CUX1: variants seen among roughly 807,000 people sequenced by gnomAD.
The protein encoded by CUX1 is cut like homeobox 1.
In CUX1, 31 loss-of-function variants were observed where a neutral mutation model predicts 158.8. That is an observed-to-expected ratio of 0.20 (90% CI 0.15 to 0.26). The LOEUF (loss-of-function observed/expected upper bound fraction) is 0.26. CUX1 is among the 10% of genes least tolerant of loss of function. The probability of loss-of-function intolerance (pLI) is 1.00; values close to 1 mark genes in which losing one functional copy is unlikely to be tolerated. For synonymous variants in CUX1, 879 were observed against 862.1 expected (o/e 1.02, Z -0.34); for missense variants, 1,589 against 2,014.6 (o/e 0.79, Z 4.04).
At chr7:101,985,200 A>G (rs796574344) in intron 2 of CUX1, among the ~76,000 whole-genome samples, 3 of 152,246 alleles carry the variant, frequency 2.0e-5, no homozygotes, top group East Asian at 1.9e-4. Flanking sequence ...ACAAATTGCT[A>G]TGTGTATACA....
intron 1 of CUX1, among the ~76,000 whole-genome samples, chr7:101,881,385 C>G (rs1799688311): frequency 6.6e-6 from 1 of 152,206 alleles, no homozygotes; most frequent in African/African-American, 2.4e-5. Context: ...TGGAGTTCTT[C>G]CAGCATCAAA....
At chr7:102,205,349 C>T (rs1163945348) in intron 20 of CUX1, among the ~76,000 whole-genome samples, 179 bp downstream of exon 20, 3 of 152,164 alleles carry the variant, frequency 2.0e-5, no homozygotes, top group Admixed American at 6.5e-5. Context: ...TAATGGAGAG[C>T]GAGCTGACAG....
At chr7:101,926,784 A>G (rs1805642343) in intron 2 of CUX1, among the ~76,000 whole-genome samples, 2 of 152,208 alleles carry the variant, frequency 1.3e-5, no homozygotes, top group Admixed American at 1.3e-4. Flanking sequence ...AATTGGTGCT[A>G]TCCCATTTCA....
In CUX1 at chr7:102,250,519, G is replaced by A; in HGVS notation, c.*1477G>A. 1 of 985,400 alleles carries A rather than the reference G, an allele frequency of 1.0e-6. No homozygotes were observed. The highest frequency in any genetic ancestry group is 6.1e-5 in the Admixed American group (1 of 16,262). The allele number at this position is 985,400 out of a possible 1,614,324, so 61.0% of individuals were successfully genotyped here. A position where few individuals can be genotyped will look rare whatever the true frequency, so the allele number is the denominator to read the frequency against. ...CACTGATGACCCTGTTGAACTCGTG[G>A]GAAACTTCCTTTCTCTGCAGGAGAG... On this transcript the variant is annotated 3_prime_UTR_variant, in exon 24 of 24. Coordinates refer to ENST00000292535, the MANE Select transcript of CUX1 (RefSeq NM_181552.4).
chr7:102,037,006 C>T (rs1458651676), intron 3 of CUX1, among the ~76,000 whole-genome samples: 1 of 152,176 alleles, frequency 6.6e-6, no homozygotes, highest in Non-Finnish European at 1.5e-5. Context: ...ACCTGGGCAA[C>T]ATGGTGAAAC....
chr7:102,028,503 A>G (rs6465846), intron 3 of CUX1, among the ~76,000 whole-genome samples: 60,287 of 152,104 alleles, frequency 0.4, 12,748 homozygotes, highest in Non-Finnish European at 0.46. Context: ...TGGGGCTGCC[A>G]CTGCCATGAG....
At chr7:102,174,911 C>T (rs1321268183) in intron 10 of CUX1, among the ~76,000 whole-genome samples, 3 of 152,188 alleles carry the variant, frequency 2.0e-5, no homozygotes, top group Non-Finnish European at 4.4e-5. Context: ...CGTGACACCA[C>T]TGCACTCCAG....
At chr7:102,270,687 C>T (rs782518792) in intron 14 of CUX1, among the ~76,000 whole-genome samples, 11 of 152,224 alleles carry the variant, frequency 7.2e-5, no homozygotes, top group African/African-American at 9.7e-5. Context: ...ACCCTCAGAT[C>T]CCCTCAGGAG....
At chr7:101,983,456 C>T (rs1813746626) in intron 2 of CUX1, among the ~76,000 whole-genome samples, 1 of 152,178 alleles carries the variant, frequency 6.6e-6, no homozygotes, top group Non-Finnish European at 1.5e-5. Flanking sequence ...TGCCCTGGGC[C>T]CATGGCCACT....
At chr7:102,146,784 G>A (rs1554502174) in intron 8 of CUX1, among the ~76,000 whole-genome samples, 1 of 152,096 alleles carries the variant, frequency 6.6e-6, no homozygotes, top group African/African-American at 2.4e-5. Flanking sequence ...TTTTAGTAGA[G>A]ATGGGGTTTC....
chr7:102,071,845 A>C (rs945943485), intron 4 of CUX1, among the ~76,000 whole-genome samples: 1 of 152,186 alleles, frequency 6.6e-6, no homozygotes, highest in Non-Finnish European at 1.5e-5. Flanking sequence ...CAGTGTTCTC[A>C]TCTGTAAAAT....
At chr7:102,138,108 C>T (rs2131369226) in intron 8 of CUX1, among the ~76,000 whole-genome samples, 1 of 152,088 alleles carries the variant, frequency 6.6e-6, no homozygotes, top group Non-Finnish European at 1.5e-5. Flanking sequence ...TGCTTGAGCC[C>T]AGGAGGTCAA....
chr7:102,201,244 C>A lies in CUX1; in HGVS notation c.2063-116C>A. Reference sequence around the variant, plus strand: ...ACAGGGGCCATGCTGGGGAAATACACAGTGTGGTTCTCCCAAATAACCCAC... The same window carrying A: ...ACAGGGGCCATGCTGGGGAAATACAAAGTGTGGTTCTCCCAAATAACCCAC... On this transcript the variant is annotated intron_variant, in intron 17 of 23. Coordinates refer to ENST00000292535, the MANE Select transcript of CUX1 (RefSeq NM_181552.4). This position sits in a 1 kb window ranked among gnomAD's most constrained non-coding sequence, Gnocchi z 5.0. 1.4e-6 allele frequency: 2 copies of A among 1,423,922 alleles called. No individual in the cohort carries two copies. Among genetic ancestry groups the A allele is most frequent in the Non-Finnish European group, 9.5e-7 (1 of 1,051,766 alleles). 88.2% of individuals were successfully genotyped at this position (1,423,922 alleles called of 1,614,324 possible).
intron 2 of CUX1, among the ~76,000 whole-genome samples, chr7:101,968,472 G>T (rs1811500015): frequency 6.6e-6 from 1 of 152,140 alleles, no homozygotes; most frequent in Non-Finnish European, 1.5e-5. Context: ...GCCCAGGCTG[G>T]AGTGCAGTGG....
In CUX1 at chr7:102,248,625, G is replaced by A. The variant is rs1554537952; in HGVS notation, c.4101G>A (p.Pro1367=). The change falls in exon 24 of 24, where the codon CCG becomes CCA. Residue 1367 remains proline, a synonymous_variant. Coordinates refer to ENST00000292535, the MANE Select transcript of CUX1 (RefSeq NM_181552.4). The surrounding 1 kb of genome is among the most constrained non-coding windows in gnomAD (Gnocchi z 5.8). ...SQGEAEREEV[P]RPAEQTEPPP... ...GAGAGGCCGAGCGGGAGGAGGTGCC[G>A]CGGCCGGCGGAGCAGACGGAGCCGC... 3.5e-6 allele frequency: 5 copies of A among 1,424,564 alleles called. No homozygotes were observed. The highest frequency in any genetic ancestry group is 2.7e-6 in the Non-Finnish European group (3 of 1,093,970). 88.2% of individuals were successfully genotyped at this position (1,424,564 alleles called of 1,614,324 possible).
At chr7:101,914,013 C>G (rs1174410144) in intron 1 of CUX1, among the ~76,000 whole-genome samples, 1 of 151,866 alleles carries the variant, frequency 6.6e-6, no homozygotes, top group Non-Finnish European at 1.5e-5. Context: ...CTGCTCCTCT[C>G]TTATCTGTAT....
chr7:101,957,090 A>T (rs1410539669), intron 2 of CUX1, among the ~76,000 whole-genome samples: 1 of 152,256 alleles, frequency 6.6e-6, no homozygotes, highest in Non-Finnish European at 1.5e-5. Flanking sequence ...AAAATCATTC[A>T]TTCAAATTAT....
At chr7:102,088,934 G>C (rs1554481410) in intron 4 of CUX1, among the ~76,000 whole-genome samples, 1 of 152,008 alleles carries the variant, frequency 6.6e-6, no homozygotes, top group African/African-American at 2.4e-5. Flanking sequence ...TTTTGCCACT[G>C]TTTCTTCAAA....
At chr7:102,191,262 T>C (rs969087812) in intron 12 of CUX1, among the ~76,000 whole-genome samples, 3 of 152,180 alleles carry the variant, frequency 2.0e-5, no homozygotes, top group Admixed American at 2.0e-4. Context: ...TGACAGAGTT[T>C]AGCTCTTGTT....
Sources: gnomAD v4.1 joint callset for allele counts (sites outside exome capture counted in the v4.1 genomes callset) on GRCh38, gnomAD v4.1.1 for gene constraint, Gnocchi (gnomAD v3.1) non-coding constraint, MANE v1.5 for transcripts, NCBI Gene and HGNC (gene_info 2026-07-23, HGNC 2026-07-21) for gene names.